The following KCNK1 variants were observed in gnomAD, a reference collection of about 807,000 sequenced individuals.
The protein encoded by KCNK1 is potassium two pore domain channel subfamily K member 1.
Under a neutral mutation model 22.2 loss-of-function variants are expected in KCNK1, and 10 were observed. That is an observed-to-expected ratio of 0.45 (90% CI 0.28 to 0.76). The LOEUF is 0.76. KCNK1 is among the 30% of genes least tolerant of loss of function. The pLI, the probability that KCNK1 is intolerant of heterozygous loss-of-function variation, is 0.14. For missense variants in KCNK1, 378 were observed against 421.0 expected, an observed-to-expected ratio of 0.90 and a Z score of 0.89; for synonymous variants, 200 against 186.4, an observed-to-expected ratio of 1.07 and a Z score of -0.60.
intron 1 of KCNK1, among the ~76,000 whole-genome samples, chr1:233,635,078 C>G (rs1394822296): frequency 6.6e-6 from 1 of 152,180 alleles, no homozygotes; most frequent in Non-Finnish European, 1.5e-5. Context: ...AAACAGAATT[C>G]TCCTAATAGC....
rs146525686 is a variant in KCNK1, at chr1:233,617,635, C to T, written c.355+3109C>T. ...CAAAAGGATATGATCTGACTGAGCA[C>T]GGTGGCTCACACAGGTACTCCCAGC... On this transcript the variant is annotated intron_variant, in intron 1 of 2. Coordinates refer to ENST00000366621, the MANE Select transcript of KCNK1 (RefSeq NM_002245.4). 4.7e-4 allele frequency among the ~76,000 whole-genome samples: 72 copies of T among 152,284 alleles called. No homozygotes were observed. In the East Asian group the frequency reaches 0.012, roughly 24 times the overall value.
intron 1 of KCNK1, among the ~76,000 whole-genome samples, chr1:233,619,923 G>A (rs1657550778): frequency 7.2e-6 from 1 of 139,386 alleles, no homozygotes; most frequent in Non-Finnish European, 1.6e-5. Flanking sequence ...AGCGAGGGGG[G>A]CGGGGGGGCG....
At chr1:233,617,942 A>G (rs1481949084) in intron 1 of KCNK1, among the ~76,000 whole-genome samples, 1 of 152,216 alleles carries the variant, frequency 6.6e-6, no homozygotes, top group Non-Finnish European at 1.5e-5. Flanking sequence ...AGGGGGAAAA[A>G]AAAAGAACAA....
chr1:233,669,506 C>G (rs1658559449), intron 2 of KCNK1, among the ~76,000 whole-genome samples: 1 of 152,074 alleles, frequency 6.6e-6, no homozygotes, highest in Non-Finnish European at 1.5e-5. Context: ...CTGTTTTTGT[C>G]TGAAACCCCA....
intron 1 of KCNK1, among the ~76,000 whole-genome samples, chr1:233,628,973 C>T (rs1657742764): frequency 6.6e-6 from 1 of 152,070 alleles, no homozygotes; most frequent in Admixed American, 6.6e-5. Flanking sequence ...TTGTGGATTT[C>T]TCTAGATTTC....
chr1:233,672,274 C>A lies in KCNK1; in HGVS notation c.*744C>A, dbSNP rs529249071. 6.6e-6 allele frequency: 1 copy of A among 152,266 alleles called. No homozygotes were observed. The highest frequency in any genetic ancestry group is 2.4e-5 in the African/African-American group (1 of 41,332). 9.4% of individuals were successfully genotyped at this position (152,266 alleles called of 1,614,324 possible). On this transcript the variant is annotated 3_prime_UTR_variant, in exon 3 of 3. Transcript: ENST00000366621. Reference sequence around the variant, plus strand: ...TGCAATAAATGTTTCTACCCTCTTGCGATAGAATGGTGTCAGATGTCTAAC... The same window carrying A: ...TGCAATAAATGTTTCTACCCTCTTGAGATAGAATGGTGTCAGATGTCTAAC...
Position 233,671,805 on chromosome 1 carries a change from T to C in KCNK1, c.*275T>C, listed in dbSNP as rs2102914986. Reference sequence around the variant, plus strand: ...TCGACCTTACATAGGAGGAGAATACTTGAAGCAGTATGCTGCTGTGGTTAG... The same window carrying C: ...TCGACCTTACATAGGAGGAGAATACCTGAAGCAGTATGCTGCTGTGGTTAG... On this transcript the variant is annotated 3_prime_UTR_variant, in exon 3 of 3. Transcript: ENST00000366621. The C allele has an allele frequency of 6.7e-6, 3 of 445,074 alleles. No homozygotes were observed. Among genetic ancestry groups the C allele is most frequent in the Middle Eastern group, 6.4e-4 (1 of 1,574 alleles). 27.6% of individuals were successfully genotyped at this position (445,074 alleles called of 1,614,324 possible). A position where few individuals can be genotyped will look rare whatever the true frequency, so the allele number is the denominator to read the frequency against.
chr1:233,642,668 G>T (rs2102896128), intron 1 of KCNK1, among the ~76,000 whole-genome samples: 1 of 152,318 alleles, frequency 6.6e-6, no homozygotes, highest in African/African-American at 2.4e-5. Flanking sequence ...TGATGCTGTG[G>T]GGGATGGACG....
chr1:233,666,512 A>G, intron 1 of KCNK1, 83 bp from the exon 2 acceptor site: 1 of 1,324,300 alleles, frequency 7.6e-7, no homozygotes, highest in Non-Finnish European at 1.0e-6. Flanking sequence ...GAATAAGGGC[A>G]GATGATAGGC....
intron 1 of KCNK1, chr1:233,650,174 A>C (rs538375126): frequency 2.6e-6 from 1 of 388,864 alleles, no homozygotes; most frequent in African/African-American, 2.1e-5. Flanking sequence ...TAAGAATGTG[A>C]TCTTGGTGAG....
At chr1:233,657,609 G>A (rs1399457217) in intron 1 of KCNK1, among the ~76,000 whole-genome samples, 2 of 130,804 alleles carry the variant, frequency 1.5e-5, no homozygotes, top group South Asian at 2.5e-4. Context: ...AAGAAAGAAA[G>A]AAAGAGAGAA....
rs367689079 is a variant in KCNK1, at chr1:233,666,999, T to C, written c.751+9T>C. On this transcript the variant is annotated intron_variant, in intron 2 of 2. Coordinates refer to ENST00000366621, the MANE Select transcript of KCNK1 (RefSeq NM_002245.4). ...TAAGATTGGGATCACGTGTGAGTAT[T>C]ACAGCTCCCTGGCTGCTCCTTCTGT... The C allele has an allele frequency of 6.4e-7, 1 of 1,568,264 alleles. No individual in the cohort carries two copies.
At position 233,672,275 on chromosome 1, in the gene KCNK1, G is replaced by T. The variant is rs927914404; in HGVS notation, c.*745G>T. Reference sequence around the variant, plus strand: ...GCAATAAATGTTTCTACCCTCTTGCGATAGAATGGTGTCAGATGTCTAACA... The same window carrying T: ...GCAATAAATGTTTCTACCCTCTTGCTATAGAATGGTGTCAGATGTCTAACA... On this transcript the variant is annotated 3_prime_UTR_variant, in exon 3 of 3. Coordinates refer to ENST00000366621, the MANE Select transcript of KCNK1 (RefSeq NM_002245.4). 11 of 152,400 alleles carry T rather than the reference G, an allele frequency of 7.2e-5. No homozygotes were observed. The highest frequency in any genetic ancestry group is 2.2e-4 in the African/African-American group (9 of 41,374). The allele number at this position is 152,400 out of a possible 1,614,324, so 9.4% of individuals were successfully genotyped here.
intron 1 of KCNK1, among the ~76,000 whole-genome samples, chr1:233,637,095 C>T (rs1435079807): frequency 1.3e-5 from 2 of 149,488 alleles, no homozygotes; most frequent in South Asian, 2.1e-4. Flanking sequence ...ACTTGGGAGG[C>T]TGAGGCAGGA....
chr1:233,644,215 C>T (rs1291310115), intron 1 of KCNK1, among the ~76,000 whole-genome samples: 1 of 152,172 alleles, frequency 6.6e-6, no homozygotes, highest in African/African-American at 2.4e-5. Context: ...GCAGCTTTAA[C>T]CTATTAATGA....
chr1:233,626,839 G>C (rs556885891), intron 1 of KCNK1, among the ~76,000 whole-genome samples: 57 of 152,148 alleles, frequency 3.7e-4, no homozygotes, highest in African/African-American at 1.3e-3. Flanking sequence ...AAAATTAACA[G>C]TAGGATATTT....
chr1:233,651,739 C>T (rs193027522), intron 1 of KCNK1, among the ~76,000 whole-genome samples: 6 of 152,268 alleles, frequency 3.9e-5, no homozygotes, highest in East Asian at 1.9e-4. Flanking sequence ...GGGAGCAGGA[C>T]GTGTGCAGTG....
chr1:233,658,053 AC>A (rs1400724930), intron 1 of KCNK1, among the ~76,000 whole-genome samples: 1 of 152,236 alleles, frequency 6.6e-6, no homozygotes, highest in Non-Finnish European at 1.5e-5. Flanking sequence ...GTGTGAAAAG[AC>A]ATGGCAGGGA....
chr1:233,665,649 T>C (rs571101202), intron 1 of KCNK1, among the ~76,000 whole-genome samples: 1 of 146,580 alleles, frequency 6.8e-6, no homozygotes, highest in African/African-American at 2.5e-5. Flanking sequence ...GCCAGGCAAG[T>C]GGTCCACAGG....
Sources: allele counts gnomAD v4.1 joint callset (sites outside exome capture counted in the v4.1 genomes callset), GRCh38; gene constraint gnomAD v4.1.1; transcripts MANE v1.5; gene names NCBI Gene and HGNC (gene_info 2026-07-23, HGNC 2026-07-21).